Variants in DTNA observed in about 807,000 individuals in gnomAD.
DTNA encodes dystrobrevin alpha, also known as dystrophin-related protein 3.
Under a neutral mutation model 100.7 loss-of-function variants are expected in DTNA, and 43 were observed. That is an observed-to-expected ratio of 0.43 (90% CI 0.33 to 0.55). The LOEUF (loss-of-function observed/expected upper bound fraction) is 0.55, where lower values mean the gene tolerates loss of function less well. DTNA is among the 20% of genes least tolerant of loss of function. DTNA has a pLI of 0.04. For synonymous variants in DTNA, 349 were observed against 347.9 expected (o/e 1.00, Z -0.04); for missense variants, 798 against 953.9 (o/e 0.84, Z 2.15).
intron 4 of DTNA, among the ~76,000 whole-genome samples, chr18:34,803,912 C>T (rs1602325189): frequency 6.6e-6 from 1 of 152,112 alleles, no homozygotes; most frequent in Admixed American, 6.5e-5. Context: ...ATGTATTAGT[C>T]ACTAACTCTG....
upstream of DTNA, among the ~76,000 whole-genome samples, chr18:34,705,739 A>G (rs934655632): frequency 6.6e-6 from 1 of 152,184 alleles, no homozygotes; most frequent in African/African-American, 2.4e-5. Context: ...ATAACCAAAA[A>G]TTTATATACA....
chr18:34,849,374 A>G (rs914363703), intron 14 of DTNA, among the ~76,000 whole-genome samples: 9 of 152,196 alleles, frequency 5.9e-5, no homozygotes, highest in African/African-American at 1.7e-4. Context: ...GCCTTTATCC[A>G]TGCATATACT....
chr18:34,738,385 A>G (rs979398889), intron 1 of DTNA, among the ~76,000 whole-genome samples: 3 of 152,222 alleles, frequency 2.0e-5, no homozygotes, highest in African/African-American at 7.2e-5. Flanking sequence ...AGGTACACAC[A>G]GTACAGGCCC....
chr18:34,861,876 G>A (rs34062722), intron 16 of DTNA, among the ~76,000 whole-genome samples: 3,279 of 152,190 alleles, frequency 0.022, 42 homozygotes, highest in East Asian at 0.063. Context: ...AAAAACCGCA[G>A]TTACTTTTGC....
chr18:34,795,453 C>A lies in DTNA; in HGVS notation c.362+1203C>A, dbSNP rs532071226. Among the ~76,000 whole-genome samples the A allele has an allele frequency of 1.6e-4, 24 of 152,306 alleles. 1 individual carries two copies. The highest frequency in any genetic ancestry group is 7.2e-4 in the Admixed American group (11 of 15,298). ...TGCTTCGGCTGTGCACACTTCAGAA[C>A]GAGATGTACAGCTCTAGCTTAATCA... On this transcript the variant is annotated intron_variant, in intron 4 of 22. Coordinates refer to ENST00000444659, the MANE Select transcript of DTNA (RefSeq NM_001386795.1).
intron 3 of DTNA, among the ~76,000 whole-genome samples, chr18:34,775,403 G>A (rs1304846456): frequency 2.0e-5 from 3 of 152,106 alleles, no homozygotes; most frequent in East Asian, 3.9e-4. Context: ...GGAGAATGGC[G>A]TGAACCTGGG....
intron 3 of DTNA, among the ~76,000 whole-genome samples, chr18:34,778,909 C>T (rs942364031): frequency 2.6e-5 from 4 of 152,034 alleles, no homozygotes; most frequent in Non-Finnish European, 2.9e-5. Flanking sequence ...GCTCCACCTC[C>T]CAGGTTCACA....
intron 1 of DTNA, among the ~76,000 whole-genome samples, chr18:34,586,691 G>C (rs569932618): frequency 1.2e-3 from 180 of 152,304 alleles, no homozygotes; most frequent in African/African-American, 4.2e-3. Context: ...ATATGGATTA[G>C]ATATTTGATT....
At chr18:34,781,859 T>G (rs2094337885) in intron 3 of DTNA, among the ~76,000 whole-genome samples, 1 of 152,186 alleles carries the variant, frequency 6.6e-6, no homozygotes, top group Non-Finnish European at 1.5e-5. Context: ...ACTTCATCTA[T>G]TTGAGTTTAT....
chr18:34,600,330 C>T (rs555395100), intron 1 of DTNA, among the ~76,000 whole-genome samples: 2 of 152,258 alleles, frequency 1.3e-5, no homozygotes, highest in East Asian at 3.9e-4. Flanking sequence ...GACTCAGACA[C>T]TCTGAATCAT....
At chr18:34,591,219 A>G (rs1331945788) in intron 1 of DTNA, among the ~76,000 whole-genome samples, 1 of 152,192 alleles carries the variant, frequency 6.6e-6, no homozygotes, top group East Asian at 1.9e-4. Context: ...ACATACATAC[A>G]TAAGATGTAT....
intron 3 of DTNA, among the ~76,000 whole-genome samples, chr18:34,768,862 C>T (rs776189567): frequency 1.3e-5 from 2 of 152,030 alleles, no homozygotes; most frequent in Non-Finnish European, 1.5e-5. Flanking sequence ...GGCTTTTAAG[C>T]AGATTTATAA....
intron 1 of DTNA, among the ~76,000 whole-genome samples, chr18:34,654,194 T>C (rs2074026188): frequency 6.6e-6 from 1 of 152,196 alleles, no homozygotes; most frequent in Non-Finnish European, 1.5e-5. Context: ...CATTCTCAAA[T>C]AGCTGATGTG....
intron 1 of DTNA, among the ~76,000 whole-genome samples, chr18:34,687,331 G>A (rs972155178): frequency 5.9e-5 from 9 of 152,070 alleles, no homozygotes; most frequent in African/African-American, 2.2e-4. Context: ...AGAGATTCTG[G>A]TACATTCTGT....
At chr18:34,757,600 G>C (rs951193246) in intron 2 of DTNA, among the ~76,000 whole-genome samples, 7 of 152,138 alleles carry the variant, frequency 4.6e-5, no homozygotes, top group Admixed American at 1.3e-4. Flanking sequence ...TTCTGAACCT[G>C]ATATAGTGCC....
intron 5 of DTNA, among the ~76,000 whole-genome samples, chr18:34,808,061 A>C (rs2149277036): frequency 6.6e-6 from 1 of 152,226 alleles, no homozygotes; most frequent in Admixed American, 6.5e-5. Context: ...AAAGCTAAAC[A>C]AAAAAATCCA....
At chr18:34,595,713 T>C (rs971309995) in intron 1 of DTNA, among the ~76,000 whole-genome samples, 2 of 152,238 alleles carry the variant, frequency 1.3e-5, no homozygotes, top group African/African-American at 2.4e-5. Context: ...GCTGGAAATG[T>C]ATTTTTAAAA....
At chr18:34,593,710 T>G (rs1365120253) in intron 1 of DTNA, among the ~76,000 whole-genome samples, 2 of 152,230 alleles carry the variant, frequency 1.3e-5, no homozygotes, top group East Asian at 3.8e-4. Context: ...AGAGGATTTT[T>G]GCTTAGTTTT....
At chr18:34,548,419 A>G (rs2045036934) in intron 1 of DTNA, among the ~76,000 whole-genome samples, 1 of 152,060 alleles carries the variant, frequency 6.6e-6, no homozygotes, top group Non-Finnish European at 1.5e-5. Context: ...AATTCTTTTC[A>G]ATATTTTTCT....
Sources: gnomAD v4.1 joint callset for allele counts (sites outside exome capture counted in the v4.1 genomes callset) on GRCh38, gnomAD v4.1.1 for gene constraint, MANE v1.5 for transcripts, NCBI Gene and HGNC (gene_info 2026-07-23, HGNC 2026-07-21) for gene names.